Variants in ANK2 observed in about 807,000 individuals in gnomAD.
ANK2 encodes ankyrin 2.
In ANK2, 83 loss-of-function variants were observed where a neutral mutation model predicts 360.5. That is an observed-to-expected ratio of 0.23 (90% confidence interval 0.19 to 0.28). ANK2 has a LOEUF of 0.28. ANK2 is among the 10% of genes least tolerant of loss of function. The pLI is 1.00. For synonymous variants in ANK2, 1,740 were observed against 1,759.5 expected, an observed-to-expected ratio of 0.99 and a Z score of 0.28; for missense variants, 4,201 against 4,795.7, an observed-to-expected ratio of 0.88 and a Z score of 3.66.
chr4:113,341,321 AT>A (rs1455450138), intron 32 of ANK2, among the ~76,000 whole-genome samples: 2 of 152,202 alleles, frequency 1.3e-5, no homozygotes, highest in Non-Finnish European at 2.9e-5. Context: ...TCCTTGTCTT[AT>A]GTCTGCTATT....
chr4:113,094,293 T>C (rs899256805), intron 1 of ANK2, among the ~76,000 whole-genome samples: 1 of 152,216 alleles, frequency 6.6e-6, no homozygotes, highest in Non-Finnish European at 1.5e-5. Flanking sequence ...AGTGCTGTTA[T>C]GCTTAAGCAT....
the ANK2 span, among the ~76,000 whole-genome samples, chr4:112,747,959 C>G: frequency 1.1e-4 from 16 of 152,102 alleles, no homozygotes; most frequent in Non-Finnish European, 2.1e-4. Flanking sequence ...TGTATATTTA[C>G]TAATTTTTTC....
At chr4:112,765,943 G>A in the ANK2 span, among the ~76,000 whole-genome samples, 59 of 152,268 alleles carry the variant, frequency 3.9e-4, no homozygotes, top group African/African-American at 1.3e-3. Flanking sequence ...AATGCTAATA[G>A]TGCCTAGGTT....
At chr4:112,954,537 T>C (rs2095242665) in intron 2 of ANK2, among the ~76,000 whole-genome samples, 1 of 152,176 alleles carries the variant, frequency 6.6e-6, no homozygotes, top group African/African-American at 2.4e-5. Context: ...TGGTGGCTTT[T>C]GGGCTTCATT....
Position 113,155,880 on chromosome 4 carries a change from C to T in ANK2, c.85-18536C>T, listed in dbSNP as rs557202572. Among the ~76,000 whole-genome samples, 25 of 152,182 alleles carry T rather than the reference C, an allele frequency of 1.6e-4. No homozygotes were observed. The East Asian group carries it at 1.9e-3, about 12-fold the overall frequency. On this transcript the variant is annotated intron_variant, in intron 1 of 45. Transcript: ENST00000357077. ...ACTAAGTTTTCAAACTCTTCAAAAA[C>T]GAAAAAGGCAAATGAAAACCACAAT... is the stretch of plus-strand genomic sequence containing the variant.
the ANK2 span, among the ~76,000 whole-genome samples, chr4:112,805,545 G>C: frequency 6.6e-6 from 1 of 151,156 alleles, no homozygotes; most frequent in Admixed American, 6.6e-5. Flanking sequence ...AAACAAGGGT[G>C]TAGGGACTGT....
At chr4:112,964,591 G>A (rs1459464997) in intron 2 of ANK2, among the ~76,000 whole-genome samples, 1 of 139,290 alleles carries the variant, frequency 7.2e-6, no homozygotes, top group Non-Finnish European at 1.5e-5. Flanking sequence ...TTTTTTTTGA[G>A]ACAGAGTCTC....
intron 1 of ANK2, among the ~76,000 whole-genome samples, chr4:113,116,706 G>C (rs910184214): frequency 1.3e-5 from 2 of 152,212 alleles, no homozygotes; most frequent in Non-Finnish European, 2.9e-5. Flanking sequence ...CACGGCAGCA[G>C]CAGCAGCAGC....
intron 42 of ANK2, 24 bp downstream of exon 42, chr4:113,367,875 C>A: frequency 6.2e-7 from 1 of 1,613,508 alleles, no homozygotes; most frequent in South Asian, 1.1e-5. Flanking sequence ...GAAAGCCTGT[C>A]AAATGTAATA....
chr4:113,233,483 C>T (rs1273889195), intron 5 of ANK2, among the ~76,000 whole-genome samples: 1 of 152,094 alleles, frequency 6.6e-6, no homozygotes, highest in Non-Finnish European at 1.5e-5. Context: ...TTCAAAACTC[C>T]TGGCCTGAAG....
Position 113,357,411 on chromosome 4 carries a change from C to T in ANK2, c.8793C>T (p.Val2931=). The change falls in exon 38 of 46, where the codon GTC becomes GTT. Residue 2931 remains valine, a synonymous_variant. Coordinates refer to ENST00000357077, the MANE Select transcript of ANK2 (RefSeq NM_001148.6). ...DPQITSPYEN[V]PSQSFFSSEE... ...AAATCACTAGCCCTTATGAAAATGT[C>T]CCTTCCCAATCTTTTTTCTCTAGTG... is the stretch of plus-strand genomic sequence containing the variant. 1 of 1,614,048 alleles carries T rather than the reference C, an allele frequency of 6.2e-7. No homozygotes were observed. Among genetic ancestry groups the T allele is most frequent in the Non-Finnish European group, 8.5e-7 (1 of 1,179,970 alleles).
intron 2 of ANK2, among the ~76,000 whole-genome samples, chr4:112,954,215 A>ATCCC (rs530640899): frequency 0.35 from 22,089 of 62,606 alleles, 2,158 homozygotes; most frequent in East Asian, 0.52. Flanking sequence ...CTCCCCTCCC[A>ATCCC]TCCCTCCCTC....
At chr4:113,179,768 G>A (rs1042932590) in intron 2 of ANK2, among the ~76,000 whole-genome samples, 23 of 152,094 alleles carry the variant, frequency 1.5e-4, no homozygotes, top group African/African-American at 3.9e-4. Flanking sequence ...ATTAACATTC[G>A]GACATTAAAA....
At chr4:113,111,290 C>T (rs2094272096) in intron 1 of ANK2, among the ~76,000 whole-genome samples, 1 of 152,126 alleles carries the variant, frequency 6.6e-6, no homozygotes, top group African/African-American at 2.4e-5. Context: ...AAATGTAAAA[C>T]TTACAGGTAT....
chr4:112,814,315 A>T (rs1036259596), upstream of ANK2, among the ~76,000 whole-genome samples: 1 of 152,226 alleles, frequency 6.6e-6, no homozygotes, highest in African/African-American at 2.4e-5. Flanking sequence ...AATATTCAGT[A>T]TGTTATTTAC....
At chr4:113,130,768 T>G (rs1422393392) in intron 1 of ANK2, among the ~76,000 whole-genome samples, 2 of 152,190 alleles carry the variant, frequency 1.3e-5, no homozygotes, top group African/African-American at 4.8e-5. Context: ...CTACTGATTC[T>G]AAATATCCAA....
chr4:112,757,571 C>A, the ANK2 span, among the ~76,000 whole-genome samples: 1 of 152,156 alleles, frequency 6.6e-6, no homozygotes, highest in African/African-American at 2.4e-5. Context: ...ATATAATCTC[C>A]TGTTTTATAG....
At chr4:112,940,235 A>G (rs2094107657) in intron 2 of ANK2, among the ~76,000 whole-genome samples, 1 of 152,202 alleles carries the variant, frequency 6.6e-6, no homozygotes, top group Non-Finnish European at 1.5e-5. Flanking sequence ...TTTGCCTAGT[A>G]GGCCAATTTT....
chr4:112,882,541 G>A (rs2076986448), intron 1 of ANK2, among the ~76,000 whole-genome samples: 1 of 152,096 alleles, frequency 6.6e-6, no homozygotes, highest in Admixed American at 6.6e-5. Flanking sequence ...GTGGGAATGT[G>A]CCAGCTGTTC....
Sources: allele counts gnomAD v4.1 joint callset (sites outside exome capture counted in the v4.1 genomes callset), GRCh38; gene constraint gnomAD v4.1.1; transcripts MANE v1.5; gene names NCBI Gene and HGNC (gene_info 2026-07-23, HGNC 2026-07-21).